Variants in DIP2C observed in about 807,000 individuals in gnomAD.
DIP2C encodes the protein DIP2 acetate--CoA ligase C (putative), also known as disco-interacting protein 2 homolog C.
DIP2C carries 33 observed loss-of-function variants against 192.4 expected under a neutral mutation model. The ratio of observed to expected loss-of-function variants is 0.17; its 90% confidence interval spans 0.13 to 0.23. The LOEUF is 0.23. DIP2C is among the 10% of genes least tolerant of loss of function. The pLI, the probability that DIP2C is intolerant of heterozygous loss-of-function variation, is 1.00. For missense variants in DIP2C, 1,537 were observed against 2,110.1 expected (o/e 0.73, Z 5.32); for synonymous variants, 979 against 864.1 (o/e 1.13, Z -2.33).
chr10:687,755 G>A (rs973319331), intron 1 of DIP2C, among the ~76,000 whole-genome samples: 2 of 152,194 alleles, frequency 1.3e-5, no homozygotes, highest in Non-Finnish European at 2.9e-5. Context: ...CACCTCAAAA[G>A]GCCACAATGC....
intron 1 of DIP2C, chr10:650,949 G>A: frequency 2.8e-6 from 2 of 717,462 alleles, no homozygotes; most frequent in Non-Finnish European, 5.2e-6. Context: ...ACACAGCTCT[G>A]GCTGTTTCTC....
At chr10:316,165 C>T (rs1956765033) in intron 31 of DIP2C, among the ~76,000 whole-genome samples, 1 of 152,168 alleles carries the variant, frequency 6.6e-6, no homozygotes. Flanking sequence ...GGGCCATCTC[C>T]TCTCATGAAC....
intron 14 of DIP2C, among the ~76,000 whole-genome samples, chr10:386,442 C>T (rs893060903): frequency 6.6e-6 from 1 of 152,196 alleles, no homozygotes; most frequent in African/African-American, 2.4e-5. Context: ...TCCCACTGCA[C>T]CAGCACATAA....
At chr10:381,682 C>T (rs1962388224) in intron 17 of DIP2C, among the ~76,000 whole-genome samples, 1 of 152,244 alleles carries the variant, frequency 6.6e-6, no homozygotes, top group Admixed American at 6.5e-5. Flanking sequence ...CTGGTCAATG[C>T]CTGCCCTTCC....
At chr10:476,284 T>G (rs1028055309) in intron 2 of DIP2C, among the ~76,000 whole-genome samples, 1 of 152,196 alleles carries the variant, frequency 6.6e-6, no homozygotes, top group Non-Finnish European at 1.5e-5. Context: ...ATTGGCCACG[T>G]GAGGCACCAG....
chr10:637,770 A>G (rs1854919799), intron 1 of DIP2C, among the ~76,000 whole-genome samples: 1 of 152,214 alleles, frequency 6.6e-6, no homozygotes, highest in African/African-American at 2.4e-5. Flanking sequence ...CAGAGGAGTC[A>G]ATCCACACAG....
intron 29 of DIP2C, among the ~76,000 whole-genome samples, chr10:338,367 A>T (rs28557475): frequency 1.3e-5 from 2 of 151,310 alleles, no homozygotes; most frequent in South Asian, 4.2e-4. Context: ...CAACTCGCCA[A>T]CTCACCTGGG....
At chr10:632,373 A>AC (rs1854571372) in intron 1 of DIP2C, among the ~76,000 whole-genome samples, 1 of 151,358 alleles carries the variant, frequency 6.6e-6, no homozygotes, top group African/African-American at 2.4e-5. Flanking sequence ...GTAACTGGAG[A>AC]CCATGCGGGC....
chr10:412,926 T>C (rs548956162), intron 8 of DIP2C, among the ~76,000 whole-genome samples: 5 of 152,368 alleles, frequency 3.3e-5, no homozygotes, highest in South Asian at 2.1e-4. Flanking sequence ...ATCTCAGACA[T>C]GCAGACACAA....
intron 36 of DIP2C, among the ~76,000 whole-genome samples, chr10:278,632 G>A (rs1315699535): frequency 6.6e-6 from 1 of 152,220 alleles, no homozygotes; most frequent in Non-Finnish European, 1.5e-5. Flanking sequence ...TACAGCCATG[G>A]CTAACCCATG....
chr10:444,382 C>T (rs1204666652), intron 3 of DIP2C, among the ~76,000 whole-genome samples: 1 of 117,600 alleles, frequency 8.5e-6, no homozygotes, highest in African/African-American at 6.8e-5. Flanking sequence ...AAGAGACAGC[C>T]ACTGTTCATT....
chr10:506,326 T>C (rs921714798), intron 1 of DIP2C, among the ~76,000 whole-genome samples: 1 of 152,152 alleles, frequency 6.6e-6, no homozygotes, highest in Non-Finnish European at 1.5e-5. Flanking sequence ...TGACATCTTC[T>C]GAGAGGGAAG....
intron 31 of DIP2C, among the ~76,000 whole-genome samples, chr10:313,961 C>A (rs138142593): frequency 1.4e-3 from 220 of 152,242 alleles, no homozygotes; most frequent in Non-Finnish European, 2.0e-3. Flanking sequence ...GCACATAGGG[C>A]TATAGTAAAT....
intron 32 of DIP2C, among the ~76,000 whole-genome samples, chr10:290,473 C>CAG (rs1955435565): frequency 6.6e-6 from 1 of 152,220 alleles, no homozygotes; most frequent in South Asian, 2.1e-4. Flanking sequence ...AGCTCACAGC[C>CAG]AGAGGTGGCA....
At position 689,045 on chromosome 10, in the gene DIP2C, C is replaced by A. The variant is rs918330242; in HGVS notation, c.85+449G>T. Among the ~76,000 whole-genome samples the A allele has an allele frequency of 1.3e-5, 2 of 152,112 alleles. No homozygotes were observed. Among genetic ancestry groups the A allele is most frequent in the African/African-American group, 4.8e-5 (2 of 41,446 alleles). On this transcript the variant is annotated intron_variant, in intron 1 of 36. Transcript: ENST00000280886. This position sits in a 1 kb window ranked among gnomAD's most constrained non-coding sequence, Gnocchi z 6.1. ...AGGTGGCGCGCACCGCGCTGCTGCACCAAGGACGCCGCGGCTCCAGCGCAG... is the reference window on the plus strand; with the variant it reads ...AGGTGGCGCGCACCGCGCTGCTGCAACAAGGACGCCGCGGCTCCAGCGCAG...
At chr10:648,993 A>C (rs1474658238) in intron 1 of DIP2C, among the ~76,000 whole-genome samples, 1 of 148,348 alleles carries the variant, frequency 6.7e-6, no homozygotes, top group African/African-American at 2.5e-5. Context: ...ACAGAGGGAA[A>C]CTGAGCCCAC....
At chr10:655,848 T>C (rs1043271339) in intron 1 of DIP2C, among the ~76,000 whole-genome samples, 5 of 151,794 alleles carry the variant, frequency 3.3e-5, no homozygotes, top group Admixed American at 3.3e-4. Flanking sequence ...TACTATACTA[T>C]ATAATGTTAC....
chr10:641,989 C>T (rs1420490936), intron 1 of DIP2C, among the ~76,000 whole-genome samples: 1 of 151,982 alleles, frequency 6.6e-6, no homozygotes, highest in East Asian at 1.9e-4. Context: ...CACCACTGCA[C>T]TCCAGCCTGG....
chr10:485,081 C>T, intron 2 of DIP2C: 13 of 1,186,044 alleles, frequency 1.1e-5, no homozygotes, highest in Non-Finnish European at 1.3e-5. Context: ...GGCACGACCG[C>T]CCTCTGCGCC....
Sources: gnomAD v4.1 joint callset for allele counts (sites outside exome capture counted in the v4.1 genomes callset) on GRCh38, gnomAD v4.1.1 for gene constraint, Gnocchi (gnomAD v3.1) non-coding constraint, MANE v1.5 for transcripts, NCBI Gene and HGNC (gene_info 2026-07-23, HGNC 2026-07-21) for gene names.